The following ALK variants were observed in gnomAD, a reference collection of about 807,000 sequenced individuals.
ALK encodes the protein ALK tyrosine kinase receptor.
ALK carries 74 observed loss-of-function variants against 163.1 expected under a neutral mutation model. That is an observed-to-expected ratio of 0.45 (90% CI 0.38 to 0.55). The LOEUF is 0.55. Ranked by LOEUF, ALK falls within the 20% of genes least tolerant of loss-of-function variation. The probability of loss-of-function intolerance (pLI) is 0.00; values close to 1 mark genes in which losing one functional copy is unlikely to be tolerated. For synonymous variants in ALK, 960 were observed against 843.2 expected (o/e 1.14, Z -2.40); for missense variants, 2,063 against 2,105.3 (o/e 0.98, Z 0.39).
At chr2:29,575,474 T>C (rs1558391373) in intron 3 of ALK, among the ~76,000 whole-genome samples, 1 of 152,206 alleles carries the variant, frequency 6.6e-6, no homozygotes, top group Non-Finnish European at 1.5e-5. Flanking sequence ...TCCTAAAGGA[T>C]GGCTATAGCT....
intron 1 of ALK, among the ~76,000 whole-genome samples, chr2:29,901,393 C>T (rs1456759446): frequency 1.3e-5 from 2 of 152,252 alleles, no homozygotes; most frequent in South Asian, 2.1e-4. Context: ...AAATTGCTTG[C>T]AAATTTTTCC....
chr2:29,747,700 C>A (rs1481133983), intron 1 of ALK, among the ~76,000 whole-genome samples: 1 of 152,180 alleles, frequency 6.6e-6, no homozygotes, highest in Non-Finnish European at 1.5e-5. Context: ...ATTTTCCTCC[C>A]AGAAATATAA....
At chr2:29,200,760 T>TATATAC (rs1553389059) in intron 26 of ALK, among the ~76,000 whole-genome samples, 2 of 104,962 alleles carry the variant, frequency 1.9e-5, no homozygotes, top group Admixed American at 9.1e-5. Flanking sequence ...TACGTATATA[T>TATATAC]GTATATATAT....
intron 5 of ALK, among the ~76,000 whole-genome samples, chr2:29,379,691 G>C (rs79280311): frequency 0.072 from 11,010 of 152,202 alleles, 518 homozygotes; most frequent in Non-Finnish European, 0.11. Context: ...TATGTCACAT[G>C]AAAGCGCCAC....
chr2:29,741,363 T>C (rs1406571989), intron 1 of ALK, among the ~76,000 whole-genome samples: 1 of 152,184 alleles, frequency 6.6e-6, no homozygotes, highest in Non-Finnish European at 1.5e-5. Flanking sequence ...TTGTTACAAA[T>C]TATACCAAAC....
At chr2:29,843,188 G>A (rs1416795609) in intron 1 of ALK, among the ~76,000 whole-genome samples, 1 of 152,192 alleles carries the variant, frequency 6.6e-6, no homozygotes, top group Non-Finnish European at 1.5e-5. Flanking sequence ...GAGGGGAAAA[G>A]ACCCACCAGC....
rs1573622495 is a variant in ALK at position 29,771,634 on chromosome 2, A to AT, written c.668-53938dup. On this transcript the variant is annotated intron_variant, in intron 1 of 28. Transcript: ENST00000389048. ...ACTGTAAGCTCCACCTCCCGGGTTC[A>AT]TACCATTCTCCTGCCTCAGCCTCCC... 2.0e-5 allele frequency among the ~76,000 whole-genome samples: 3 copies of AT among 152,124 alleles called. No individual in the cohort carries two copies. The East Asian group carries it at 5.8e-4, about 30-fold the overall frequency.
intron 1 of ALK, among the ~76,000 whole-genome samples, chr2:29,828,670 T>C (rs972976108): frequency 3.3e-5 from 5 of 152,164 alleles, no homozygotes; most frequent in African/African-American, 1.2e-4. Flanking sequence ...AAACAACAGG[T>C]GCTGGAGAGG....
intron 3 of ALK, among the ~76,000 whole-genome samples, chr2:29,646,270 T>C (rs1676872538): frequency 6.6e-6 from 1 of 152,184 alleles, no homozygotes; most frequent in South Asian, 2.1e-4. Context: ...TCACATTCTA[T>C]GTCCAAGTCA....
At chr2:29,718,124 G>A (rs933351611) in intron 1 of ALK, among the ~76,000 whole-genome samples, 1 of 152,150 alleles carries the variant, frequency 6.6e-6, no homozygotes, top group Admixed American at 6.5e-5. Context: ...GTTTGCTTGG[G>A]TTATTGCCTT....
chr2:29,713,175 C>T (rs186658403), intron 2 of ALK, among the ~76,000 whole-genome samples: 2 of 152,158 alleles, frequency 1.3e-5, no homozygotes, highest in Admixed American at 6.5e-5. Flanking sequence ...ATGGTGTGCA[C>T]CCTATATGTG....
intron 23 of ALK, 146 bp downstream of exon 23, chr2:29,220,560 C>T (rs2148165847): frequency 1.8e-6 from 2 of 1,129,092 alleles, no homozygotes; most frequent in Non-Finnish European, 2.6e-6. Flanking sequence ...CTCTTCCAGC[C>T]AGTCAGTCAC....
intron 3 of ALK, among the ~76,000 whole-genome samples, chr2:29,662,456 G>T (rs1264306731): frequency 6.6e-6 from 1 of 152,062 alleles, no homozygotes; most frequent in Non-Finnish European, 1.5e-5. Flanking sequence ...GTGAAATTTG[G>T]CCCCTTCCTT....
intron 1 of ALK, among the ~76,000 whole-genome samples, chr2:29,900,995 G>GAGAGAGCA (rs143158227): frequency 6.7e-6 from 1 of 148,600 alleles, no homozygotes; most frequent in African/African-American, 2.5e-5. Flanking sequence ...GAGAGAGAGA[G>GAGAGAGCA]AGCAAGCAAG....
intron 4 of ALK, among the ~76,000 whole-genome samples, chr2:29,516,883 G>A (rs1373089475): frequency 1.3e-5 from 2 of 152,232 alleles, no homozygotes. Context: ...AGTATGTCTT[G>A]TTTTCTATCT....
chr2:29,639,413 G>A lies in ALK; in HGVS notation c.952+55437C>T, dbSNP rs1250320459. Among the ~76,000 whole-genome samples the A allele has an allele frequency of 2.0e-5, 3 of 152,196 alleles. No individual in the cohort carries two copies. The East Asian group carries it at 5.8e-4, about 29-fold the overall frequency. ...ACCCACAGATAGGAACCCTCTGCAA[G>A]TTAAACGGAATGTATCTCAGAACCT... On this transcript the variant is annotated intron_variant, in intron 3 of 28. Transcript: ENST00000389048.
chr2:29,770,374 C>T (rs1478157286), intron 1 of ALK, among the ~76,000 whole-genome samples: 2 of 152,208 alleles, frequency 1.3e-5, no homozygotes, highest in Non-Finnish European at 2.9e-5. Flanking sequence ...CGTCCAGTCA[C>T]ACCCTACACT....
chr2:29,465,478 G>T (rs1281242522), intron 4 of ALK, among the ~76,000 whole-genome samples: 2 of 152,140 alleles, frequency 1.3e-5, no homozygotes, highest in Non-Finnish European at 2.9e-5. Context: ...TGGATCACTT[G>T]AGGTCAGGAG....
intron 8 of ALK, among the ~76,000 whole-genome samples, chr2:29,299,950 G>A (rs34123555): frequency 0.032 from 4,876 of 152,252 alleles, 112 homozygotes; most frequent in South Asian, 0.11. Context: ...TTGGAAACAC[G>A]GTGGATTAGT....
Sources: allele counts gnomAD v4.1 joint callset (sites outside exome capture counted in the v4.1 genomes callset), GRCh38; gene constraint gnomAD v4.1.1; transcripts MANE v1.5; gene names NCBI Gene and HGNC (gene_info 2026-07-23, HGNC 2026-07-21).